The following CNOT1 variants were observed in gnomAD, a reference collection of about 807,000 sequenced individuals.
CNOT1 encodes CCR4-associated factor 1.
CNOT1 carries 15 observed loss-of-function variants against 273.8 expected under a neutral mutation model. The observed-to-expected ratio is 0.05, with a 90% CI of 0.04 to 0.08. The LOEUF (loss-of-function observed/expected upper bound fraction) is 0.08. CNOT1 is among the 10% of genes least tolerant of loss of function. CNOT1 has a pLI of 1.00. For synonymous variants in CNOT1, 1,022 were observed against 1,005.5 expected, an observed-to-expected ratio of 1.02 and a Z score of -0.31; for missense variants, 1,644 against 2,912.2, an observed-to-expected ratio of 0.56 and a Z score of 10.02.
intron 2 of CNOT1, among the ~76,000 whole-genome samples, chr16:58,594,380 G>A (rs891366251): frequency 1.3e-5 from 2 of 152,184 alleles, no homozygotes; most frequent in African/African-American, 4.8e-5. Context: ...GACAGAGAAG[G>A]AAAAGGAAAG....
At position 58,521,085 on chromosome 16, in the gene CNOT1, C is replaced by A; in HGVS notation, c.7053-49G>T. Reference sequence around the variant, plus strand: ...ATCTCTGATTAAAGAGTAGGCCTAACAATACCTTGCATCTCATTCAGCTGA... The same window carrying A: ...ATCTCTGATTAAAGAGTAGGCCTAAAAATACCTTGCATCTCATTCAGCTGA... On this transcript the variant is annotated intron_variant, in intron 48 of 48. Transcript: ENST00000317147. 2.5e-6 allele frequency: 4 copies of A among 1,613,662 alleles called. No homozygotes were observed. In the Admixed American group the frequency reaches 6.7e-5, roughly 27 times the overall value.
intron 1 of CNOT1, among the ~76,000 whole-genome samples, chr16:58,604,828 TAAAAA>T (rs148121702): frequency 8.6e-6 from 1 of 116,918 alleles, no homozygotes; most frequent in Non-Finnish European, 1.7e-5. Context: ...AAAAAAAAAT[TAAAAA>T]AAAAAAAAAA....
At chr16:58,620,603 C>T (rs917096441) in intron 1 of CNOT1, among the ~76,000 whole-genome samples, 7 of 143,676 alleles carry the variant, frequency 4.9e-5, no homozygotes, top group Non-Finnish European at 1.0e-4. Flanking sequence ...GAGCCAAGCT[C>T]GCGACACTAC....
At chr16:58,534,013 T>C in intron 40 of CNOT1, 134 bp downstream of exon 40, 1 of 1,118,456 alleles carries the variant, frequency 8.9e-7, no homozygotes, top group Non-Finnish European at 1.1e-6. Flanking sequence ...TCCCAGCTAC[T>C]TCGGAGGCAC....
chr16:58,539,537 A>C (rs1210516391), intron 35 of CNOT1, among the ~76,000 whole-genome samples: 1 of 150,430 alleles, frequency 6.6e-6, no homozygotes, highest in African/African-American at 2.4e-5. Flanking sequence ...AAGTTTCTTC[A>C]AATCACATTT....
intron 1 of CNOT1, among the ~76,000 whole-genome samples, chr16:58,620,173 C>G (rs1351579748): frequency 6.6e-6 from 1 of 152,092 alleles, no homozygotes; most frequent in African/African-American, 2.4e-5. Flanking sequence ...GAAAGAGACT[C>G]CTTACTCACT....
intron 1 of CNOT1, among the ~76,000 whole-genome samples, chr16:58,629,494 C>T (rs974769958): frequency 6.6e-6 from 1 of 152,168 alleles, no homozygotes; most frequent in Non-Finnish European, 1.5e-5. Context: ...TTCCTGGAGC[C>T]TTCTCGCTGG....
At chr16:58,596,903 A>C (rs1435508948) in intron 2 of CNOT1, among the ~76,000 whole-genome samples, 5 of 149,832 alleles carry the variant, frequency 3.3e-5, no homozygotes, top group African/African-American at 9.9e-5. Context: ...AAAAAAAAAA[A>C]AAAAAAAAAA....
In CNOT1 at chr16:58,581,333, C is replaced by G; in HGVS notation, c.1215+12G>C. On this transcript the variant is annotated intron_variant, in intron 11 of 48. Transcript: ENST00000317147. ...TTATTCCCCCATCTATAGCTAAATA[C>G]CACTTACTCACCTGGCCTTCAGCAT... 1 of 1,599,742 alleles carries G rather than the reference C, an allele frequency of 6.3e-7. No individual in the cohort carries two copies. The highest frequency in any genetic ancestry group is 8.5e-7 in the Non-Finnish European group (1 of 1,174,756).
chr16:58,533,929 A>C (rs2039853800), intron 40 of CNOT1, among the ~76,000 whole-genome samples: 1 of 152,072 alleles, frequency 6.6e-6, no homozygotes, highest in Non-Finnish European at 1.5e-5. Flanking sequence ...CAGAAGTTTG[A>C]GACCAGCTTG....
Position 58,521,037 on chromosome 16 carries a change from C to G in CNOT1, c.7053-1G>C. On this transcript the variant is annotated splice_acceptor_variant, in intron 48 of 48. Coordinates refer to ENST00000317147, the MANE Select transcript of CNOT1 (RefSeq NM_016284.5). LOFTEE classifies it high-confidence loss of function. ...GCACTGTGCGACCGACTGGAATAAC[C>G]TGAAGGATGAAGACAGTTACAAATC... 6.2e-7 allele frequency: 1 copy of G among 1,614,128 alleles called. No individual in the cohort carries two copies. Among genetic ancestry groups the G allele is most frequent in the Non-Finnish European group, 8.5e-7 (1 of 1,180,044 alleles).
At position 58,576,555 on chromosome 16, in the gene CNOT1, T is replaced by G. The variant is rs770425261; in HGVS notation, c.1612A>C (p.Ile538Leu). Residue 538 changes from isoleucine to leucine, a missense_variant, in exon 14 of 49, where the codon ATC (isoleucine) becomes CTC (leucine). Transcript: ENST00000317147. Reference sequence around the variant, plus strand: ...TACCATTCTGCCATTGCATGCATGATAAGTTGGCGAATTGAGGGAGACTGT... The same window carrying G: ...TACCATTCTGCCATTGCATGCATGAGAAGTTGGCGAATTGAGGGAGACTGT... Reference protein sequence around the residue: ...QGQSPSIRQLIMHAMAEWYMR... With the variant: ...QGQSPSIRQLLMHAMAEWYMR... 6.2e-7 allele frequency: 1 copy of G among 1,614,180 alleles called. No homozygotes were observed. Among genetic ancestry groups the G allele is most frequent in the African/African-American group, 1.3e-5 (1 of 75,042 alleles).
chr16:58,626,130 G>A (rs1002401711), intron 1 of CNOT1, among the ~76,000 whole-genome samples: 3 of 151,954 alleles, frequency 2.0e-5, no homozygotes, highest in African/African-American at 4.8e-5. Flanking sequence ...AGTTCAGGCC[G>A]GGTGCTATGG....
At chr16:58,540,655 T>C (rs2040065335) in intron 34 of CNOT1, among the ~76,000 whole-genome samples, 1 of 152,214 alleles carries the variant, frequency 6.6e-6, no homozygotes, top group Non-Finnish European at 1.5e-5. Flanking sequence ...GTGAGGTCTA[T>C]GAATTAGATG....
chr16:58,587,952 A>T, intron 3 of CNOT1, 74 bp from the exon 4 acceptor site: 1 of 1,409,262 alleles, frequency 7.1e-7, no homozygotes. Context: ...GGTACTCAGA[A>T]CATTAAAATG....
chr16:58,552,656 G>A (rs964646974), intron 22 of CNOT1, among the ~76,000 whole-genome samples: 10 of 152,144 alleles, frequency 6.6e-5, no homozygotes, highest in Admixed American at 1.3e-4. Context: ...AAACCTAGAA[G>A]GATGAGGTAG....
At chr16:58,559,897 A>T in intron 17 of CNOT1, 1 of 639,254 alleles carries the variant, frequency 1.6e-6, no homozygotes, top group Non-Finnish European at 2.8e-6. Flanking sequence ...CCGTGAAGCT[A>T]CAAACAAGAC....
rs1318744749 is a variant in CNOT1, at chr16:58,575,073, T to C, written c.1761A>G (p.Ala587=). Residue 587 remains alanine (A), a synonymous_variant, in exon 15 of 49, where the codon GCA becomes GCG. Coordinates refer to ENST00000317147, the MANE Select transcript of CNOT1 (RefSeq NM_016284.5). The stretch of plus-strand genomic sequence containing the variant: ...TGAGGTATTCACGACGTGAAGCAAG[T>C]GCAGCAAGGTCAATAACAAAGGCAA... ...TPFAFVIDLA[A]LASRREYLKL... is the part of the protein sequence containing the mutation. The C allele has an allele frequency of 6.2e-7, 1 of 1,614,120 alleles. No homozygotes were observed. The highest frequency in any genetic ancestry group is 8.5e-7 in the Non-Finnish European group (1 of 1,180,020).
chr16:58,528,302 AG>A (rs752365892), intron 44 of CNOT1, 172 bp downstream of exon 44: 17 of 634,388 alleles, frequency 2.7e-5, no homozygotes, highest in Non-Finnish European at 4.8e-5. Flanking sequence ...CAACAGCAAT[AG>A]CAACAATATC....
Sources: gnomAD v4.1 joint callset for allele counts (sites outside exome capture counted in the v4.1 genomes callset) on GRCh38, gnomAD v4.1.1 for gene constraint, MANE v1.5 for transcripts, NCBI Gene and HGNC (gene_info 2026-07-23, HGNC 2026-07-21) for gene names.